ANKRD6: variants seen among roughly 807,000 people sequenced by gnomAD.
ANKRD6 encodes the protein ankyrin repeat domain 6, also known as ankyrin repeat domain-containing protein 6.
In ANKRD6, 56 loss-of-function variants were observed where a neutral mutation model predicts 82.3. The observed-to-expected ratio is 0.68, with a 90% CI of 0.55 to 0.85. The LOEUF (loss-of-function observed/expected upper bound fraction) is 0.85. ANKRD6 is among the 40% of genes least tolerant of loss of function. ANKRD6 has a pLI of 0.00. For missense variants in ANKRD6, 852 were observed against 907.6 expected, an observed-to-expected ratio of 0.94 and a Z score of 0.79; for synonymous variants, 347 against 352.1, an observed-to-expected ratio of 0.99 and a Z score of 0.16.
At chr6:89,459,711 C>A (rs1490325566) in intron 1 of ANKRD6, among the ~76,000 whole-genome samples, 1 of 152,134 alleles carries the variant, frequency 6.6e-6, no homozygotes, top group Non-Finnish European at 1.5e-5. Context: ...CTGTGTTGCA[C>A]AAGTTGGTCT....
At chr6:89,598,222 A>T in intron 3 of ANKRD6, 1 of 985,396 alleles carries the variant, frequency 1.0e-6, no homozygotes, top group Non-Finnish European at 1.2e-6. Context: ...TCCAGGAGCA[A>T]ATTCTTTCTT....
At chr6:89,506,058 C>T (rs542877938) in intron 1 of ANKRD6, among the ~76,000 whole-genome samples, 5 of 151,958 alleles carry the variant, frequency 3.3e-5, no homozygotes, top group East Asian at 3.9e-4. Context: ...TGGGGGAGGG[C>T]GGTGGAAGCA....
chr6:89,470,440 G>A (rs1271736327), intron 1 of ANKRD6, among the ~76,000 whole-genome samples: 1 of 152,104 alleles, frequency 6.6e-6, no homozygotes, highest in East Asian at 1.9e-4. Context: ...GCAACATAGC[G>A]AGACTCTTGT....
intron 1 of ANKRD6, among the ~76,000 whole-genome samples, chr6:89,441,151 T>C (rs1771326081): frequency 6.6e-6 from 1 of 152,150 alleles, no homozygotes; most frequent in South Asian, 2.1e-4. Flanking sequence ...AGTTACCGAA[T>C]GTATCTTCTT....
intron 2 of ANKRD6, among the ~76,000 whole-genome samples, chr6:89,587,671 C>T (rs111459703): frequency 0.016 from 2,405 of 152,260 alleles, 78 homozygotes; most frequent in African/African-American, 0.055. Flanking sequence ...GCAGGAATTA[C>T]CCTCTGCCCC....
chr6:89,567,153 C>G, intron 2 of ANKRD6, 57 bp downstream of exon 2: 1 of 1,540,404 alleles, frequency 6.5e-7, no homozygotes, highest in Non-Finnish European at 8.8e-7. Flanking sequence ...ACCTCTTAAC[C>G]ATTGTCTGAA....
chr6:89,518,007 G>A (rs981205512), intron 1 of ANKRD6, among the ~76,000 whole-genome samples: 1 of 152,210 alleles, frequency 6.6e-6, no homozygotes, highest in African/African-American at 2.4e-5. Flanking sequence ...CTTGTAGCAG[G>A]TGCTATGCCA....
intron 10 of ANKRD6, 91 bp downstream of exon 10, chr6:89,622,117 C>A: frequency 1.8e-6 from 2 of 1,128,574 alleles, no homozygotes; most frequent in Non-Finnish European, 2.6e-6. Flanking sequence ...CACCTGGTGG[C>A]TGCCCGGCCC....
At chr6:89,497,158 A>C (rs903946900) in intron 1 of ANKRD6, among the ~76,000 whole-genome samples, 10 of 152,244 alleles carry the variant, frequency 6.6e-5, no homozygotes, top group African/African-American at 2.2e-4. Context: ...AAAGTTTAAA[A>C]AACAAACAAA....
chr6:89,557,301 G>C (rs1786730425), intron 1 of ANKRD6, among the ~76,000 whole-genome samples: 1 of 152,052 alleles, frequency 6.6e-6, no homozygotes. Context: ...GAAGGGAGGG[G>C]GAGCACTGAG....
chr6:89,495,416 G>A (rs1778492897), intron 1 of ANKRD6, among the ~76,000 whole-genome samples: 1 of 152,178 alleles, frequency 6.6e-6, no homozygotes, highest in Admixed American at 6.5e-5. Flanking sequence ...CAGACCCCAA[G>A]TTGACCTAAT....
rs188565365 is a variant in ANKRD6, at chr6:89,505,170, G to A, written c.-143-61664G>A. On this transcript the variant is annotated intron_variant, in intron 1 of 15. Transcript: ENST00000339746. ...TTCTCCATTTCCTTACCCGGCATCT[G>A]TATTTCTGCCTTCTCCAGGGGCTGT... is the stretch of plus-strand genomic sequence containing the variant. 5.3e-5 allele frequency among the ~76,000 whole-genome samples: 8 copies of A among 152,308 alleles called. No homozygotes were observed. The East Asian group carries it at 1.5e-3, about 29-fold the overall frequency.
At position 89,566,949 on chromosome 6, in the gene ANKRD6, T is replaced by C. The variant is rs1337284962; in HGVS notation, c.-28T>C. 1.9e-6 allele frequency: 3 copies of C among 1,559,488 alleles called. No individual in the cohort carries two copies. The highest frequency in any genetic ancestry group is 1.7e-4 in the Middle Eastern group (1 of 5,922). On this transcript the variant is annotated 5_prime_UTR_variant, in exon 2 of 16. Transcript: ENST00000339746. ...TGAGCTGAAGGAACTTGTCTACCGC[T>C]TCCCTGAAAACCTTTCTTTCCTAAT...
intron 7 of ANKRD6, among the ~76,000 whole-genome samples, chr6:89,614,852 C>CA (rs1207448561): frequency 0.072 from 8,440 of 118,036 alleles, 357 homozygotes; most frequent in South Asian, 0.19. Flanking sequence ...AAAAAAAAAA[C>CA]AAAAAAAAAA....
At chr6:89,572,066 G>C (rs531355715) in intron 2 of ANKRD6, among the ~76,000 whole-genome samples, 1 of 152,204 alleles carries the variant, frequency 6.6e-6, no homozygotes, top group South Asian at 2.1e-4. Flanking sequence ...TTAGTTATAT[G>C]CGTTTAAGGT....
chr6:89,438,500 C>T (rs1247944833), intron 1 of ANKRD6, among the ~76,000 whole-genome samples: 4 of 152,170 alleles, frequency 2.6e-5, no homozygotes, highest in Non-Finnish European at 5.9e-5. Context: ...AATACAGTCC[C>T]TGGCTGGGCA....
At chr6:89,581,746 A>G (rs961891051) in intron 2 of ANKRD6, 6 of 152,244 alleles carry the variant, frequency 3.9e-5, no homozygotes, top group African/African-American at 1.4e-4. Flanking sequence ...GAAATGGAAA[A>G]TGGAATTCCT....
intron 1 of ANKRD6, among the ~76,000 whole-genome samples, chr6:89,503,244 A>G (rs994174890): frequency 1.3e-5 from 2 of 152,246 alleles, no homozygotes; most frequent in African/African-American, 4.8e-5. Context: ...GAGAAAGACG[A>G]GAGTCCTCAG....
chr6:89,602,272 G>T (rs1480009130), intron 3 of ANKRD6: 1 of 152,230 alleles, frequency 6.6e-6, no homozygotes, highest in East Asian at 1.9e-4. Flanking sequence ...TCCTGTTACA[G>T]TCTTGACCTG....
Sources: allele counts gnomAD v4.1 joint callset (sites outside exome capture counted in the v4.1 genomes callset), GRCh38; gene constraint gnomAD v4.1.1; transcripts MANE v1.5; gene names NCBI Gene and HGNC (gene_info 2026-07-23, HGNC 2026-07-21).